ABCC8: variants seen among roughly 807,000 people sequenced by gnomAD.
ABCC8 encodes ATP-binding cassette sub-family C member 8.
In ABCC8, 137 loss-of-function variants were observed where a neutral mutation model predicts 188.0. That is an observed-to-expected ratio of 0.73 (90% confidence interval 0.63 to 0.84). ABCC8 has a LOEUF of 0.84. Among genes scored for constraint, ABCC8 ranks in the 40% least tolerant of loss-of-function variants. The probability of loss-of-function intolerance (pLI) is 0.00; values close to 1 mark genes in which losing one functional copy is unlikely to be tolerated. For synonymous variants in ABCC8, 797 were observed against 846.5 expected (o/e 0.94, Z 1.01); for missense variants, 1,750 against 2,072.7 (o/e 0.84, Z 3.02).
intron 28 of ABCC8, 114 bp from the exon 29 acceptor site, chr11:17,402,867 G>A: frequency 7.6e-7 from 1 of 1,320,832 alleles, no homozygotes; most frequent in Non-Finnish European, 1.1e-6. Context: ...TACCTCTCTA[G>A]GCCTCAGCTT....
At chr11:17,426,843 C>T (rs1955602008) in intron 16 of ABCC8, among the ~76,000 whole-genome samples, 1 of 152,160 alleles carries the variant, frequency 6.6e-6, no homozygotes, top group Non-Finnish European at 1.5e-5. Context: ...TGAAATAATG[C>T]ATGCAAAGGA....
At chr11:17,435,018 T>TGTGTG (rs1564934631) in intron 10 of ABCC8, among the ~76,000 whole-genome samples, 9 of 150,412 alleles carry the variant, frequency 6.0e-5, no homozygotes, top group South Asian at 2.1e-4. Context: ...TGTGTGTGTG[T>TGTGTG]TTTGCAAGAA....
rs1362791101 is a variant in ABCC8 at position 17,414,629 on chromosome 11, G to A, written c.2292-19C>T. ...TCTCTTCCTGGAAAAAGCAGGGCGG[G>A]AGTAGGGGGTGCGGAAGGCATTCTC... On this transcript the variant is annotated intron_variant, in intron 18 of 38. Transcript: ENST00000389817. 1.2e-6 allele frequency: 2 copies of A among 1,614,026 alleles called. No homozygotes were observed. Among genetic ancestry groups the A allele is most frequent in the Non-Finnish European group, 1.7e-6 (2 of 1,180,024 alleles).
rs1247744176 is a variant in ABCC8 at position 17,408,426 on chromosome 11, G to T, written c.2786C>A (p.Thr929Asn). ...SECQLFEHWK[T>N]LMNRQDQELE... ...CTCTTGGTCCTGTCGGTTCATGAGG[G>T]TCTTCCAGTGCTCAAAGAGCTGGCA... The change falls in exon 23 of 39, where the codon ACC becomes AAC. Residue 929 changes from threonine (T) to asparagine (N), a missense_variant. By Grantham distance (65) the Thr-to-Asn change is moderately conservative. Coordinates refer to ENST00000389817, the MANE Select transcript of ABCC8 (RefSeq NM_000352.6). 6.2e-7 allele frequency: 1 copy of T among 1,613,692 alleles called. No individual in the cohort carries two copies. Among genetic ancestry groups the T allele is most frequent in the East Asian group, 2.2e-5 (1 of 44,880 alleles).
intron 10 of ABCC8, among the ~76,000 whole-genome samples, chr11:17,438,475 C>A (rs1038267029): frequency 6.6e-6 from 1 of 152,150 alleles, no homozygotes; most frequent in Non-Finnish European, 1.5e-5. Context: ...CTCCGTAGAG[C>A]CTGGCACAGA....
chr11:17,452,954 C>CACTGCCTTGTCAATGGTT (rs2133640928), intron 7 of ABCC8, among the ~76,000 whole-genome samples, 165 bp downstream of exon 7: 1 of 152,348 alleles, frequency 6.6e-6, no homozygotes, highest in Non-Finnish European at 1.5e-5. Context: ...CACTATCCCA[C>CACTGCCTTGTCAATGGTT]ACTGCCTTGT....
intron 6 of ABCC8, among the ~76,000 whole-genome samples, chr11:17,453,736 G>A (rs2073586): frequency 0.32 from 48,056 of 152,040 alleles, 8,087 homozygotes; most frequent in Middle Eastern, 0.45. Flanking sequence ...AGCAATTACT[G>A]AGCAGAAAAG....
At chr11:17,418,909 G>T (rs1475785380) in intron 16 of ABCC8, among the ~76,000 whole-genome samples, 1 of 152,198 alleles carries the variant, frequency 6.6e-6, no homozygotes, top group Non-Finnish European at 1.5e-5. Context: ...AAAGGGCGGG[G>T]CTGGCTCTCA....
Position 17,404,786 on chromosome 11 carries a change from C to G in ABCC8, c.3400-117G>C. ...TTTTTGATCCTTTATTTTTTTGAGACTGAGTCTCACTGTTGCCCAGACTTG... is the reference window on the plus strand; with the variant it reads ...TTTTTGATCCTTTATTTTTTTGAGAGTGAGTCTCACTGTTGCCCAGACTTG... On this transcript the variant is annotated intron_variant, in intron 27 of 38. Coordinates refer to ENST00000389817, the MANE Select transcript of ABCC8 (RefSeq NM_000352.6). This position sits in a 1 kb window ranked among gnomAD's most constrained non-coding sequence, Gnocchi z 4.7. 2 of 1,450,852 alleles carry G rather than the reference C, an allele frequency of 1.4e-6. No homozygotes were observed. Among genetic ancestry groups the G allele is most frequent in the East Asian group, 5.0e-5 (2 of 40,246 alleles). The allele number at this position is 1,450,852 out of a possible 1,614,324, so 89.9% of individuals were successfully genotyped here.
intron 7 of ABCC8, among the ~76,000 whole-genome samples, chr11:17,450,379 TC>T (rs1280463999): frequency 0.15 from 19,897 of 135,510 alleles, 4,499 homozygotes; most frequent in Middle Eastern, 0.27. Flanking sequence ...TTCCTTTCTT[TC>T]CTTTCCTTTC....
intron 16 of ABCC8, among the ~76,000 whole-genome samples, chr11:17,423,973 A>T (rs903719323): frequency 6.6e-6 from 1 of 152,216 alleles, no homozygotes; most frequent in African/African-American, 2.4e-5. Context: ...ATGAGGATAT[A>T]ATAATATCTA....
At chr11:17,408,960 T>TC (rs1954674634) in intron 22 of ABCC8, among the ~76,000 whole-genome samples, 1 of 150,426 alleles carries the variant, frequency 6.6e-6, no homozygotes, top group Non-Finnish European at 1.5e-5. Context: ...ATCTTTTTTT[T>TC]TTTTTTTTTT....
At position 17,395,600 on chromosome 11, in the gene ABCC8, TG is replaced by T. The variant is rs1564874257; in HGVS notation, c.4307+9del. On this transcript the variant is annotated intron_variant, in intron 35 of 38. Coordinates refer to ENST00000389817, the MANE Select transcript of ABCC8 (RefSeq NM_000352.6). Reference sequence around the variant, plus strand: ...GGGGCTGGGTGGGCCTGAGGGGTGGTGGGGCTCACCGGATGGTGCCGCTGAA... The same window carrying T: ...GGGGCTGGGTGGGCCTGAGGGGTGGTGGGCTCACCGGATGGTGCCGCTGAA... 1.3e-5 allele frequency: 20 copies of T among 1,547,810 alleles called. No homozygotes were observed. Among genetic ancestry groups the T allele is most frequent in the Non-Finnish European group, 1.5e-5 (17 of 1,147,516 alleles).
rs147281690 is a variant in ABCC8, at chr11:17,472,813, A to G, written c.290+2073T>C. On this transcript the variant is annotated intron_variant, in intron 2 of 38. Transcript: ENST00000389817. ...CATTCTGGGAATACACAGTCTACCC[A>G]GTGCTCTGCCACTCCGGGCTCTGCA... 2.8e-3 allele frequency among the ~76,000 whole-genome samples: 432 copies of G among 152,252 alleles called. 2 individuals are homozygous for G. The highest frequency in any genetic ancestry group is 0.01 in the African/African-American group (420 of 41,544).
chr11:17,427,991 G>T lies in ABCC8; in HGVS notation c.2041-49C>A, dbSNP rs763448520. 2.5e-6 allele frequency: 4 copies of T among 1,601,768 alleles called. No homozygotes were observed. The highest frequency in any genetic ancestry group is 2.7e-5 in the African/African-American group (2 of 74,642). On this transcript the variant is annotated intron_variant, in intron 14 of 38. Transcript: ENST00000389817. The surrounding 1 kb of genome is among the most constrained non-coding windows in gnomAD (Gnocchi z 5.0). ...CCAGGAGAGAACAGAAAGGCAGCCAGTTCCCAGTGAATAGTCTCTGGCTTC... is the reference window on the plus strand; with the variant it reads ...CCAGGAGAGAACAGAAAGGCAGCCATTTCCCAGTGAATAGTCTCTGGCTTC...
At chr11:17,474,483 C>T (rs1404001140) in intron 2 of ABCC8, among the ~76,000 whole-genome samples, 2 of 151,336 alleles carry the variant, frequency 1.3e-5, no homozygotes, top group Non-Finnish European at 2.9e-5. Flanking sequence ...TCTGAGACCA[C>T]ATCTTCAAAA....
At chr11:17,410,448 C>T in intron 22 of ABCC8, 68 bp downstream of exon 22, 1 of 1,553,984 alleles carries the variant, frequency 6.4e-7, no homozygotes, top group Admixed American at 1.7e-5. Flanking sequence ...CGGATTGGTT[C>T]CTGCCAAGAT....
chr11:17,421,470 T>C (rs1955340358), intron 16 of ABCC8, among the ~76,000 whole-genome samples: 1 of 152,268 alleles, frequency 6.6e-6, no homozygotes, highest in African/African-American at 2.4e-5. Context: ...ATTTAGCAAG[T>C]GAATTCGTTT....
chr11:17,448,943 T>C (rs1956650789), intron 7 of ABCC8, among the ~76,000 whole-genome samples: 1 of 152,232 alleles, frequency 6.6e-6, no homozygotes, highest in African/African-American at 2.4e-5. Flanking sequence ...CTTATTTATT[T>C]AGAGACAGAG....
Sources: gnomAD v4.1 joint callset for allele counts (sites outside exome capture counted in the v4.1 genomes callset) on GRCh38, gnomAD v4.1.1 for gene constraint, Gnocchi (gnomAD v3.1) non-coding constraint, MANE v1.5 for transcripts, NCBI Gene and HGNC (gene_info 2026-07-23, HGNC 2026-07-21) for gene names.